Variants in NPHP3 observed in about 807,000 individuals in gnomAD.
NPHP3 encodes nephrocystin 3, also known as nephrocystin-3.
Under a neutral mutation model 171.9 loss-of-function variants are expected in NPHP3, and 123 were observed. The ratio of observed to expected loss-of-function variants is 0.72; its 90% CI spans 0.62 to 0.83. The LOEUF (loss-of-function observed/expected upper bound fraction) is 0.83. Among genes scored for constraint, NPHP3 ranks in the 40% least tolerant of loss-of-function variants. The probability of loss-of-function intolerance (pLI) is 0.00; values close to 1 mark genes in which losing one functional copy is unlikely to be tolerated. For missense variants in NPHP3, 1,506 were observed against 1,591.9 expected (o/e 0.95, Z 0.92); for synonymous variants, 558 against 579.2 (o/e 0.96, Z 0.52).
intron 25 of NPHP3, among the ~76,000 whole-genome samples, chr3:132,683,038 C>T (rs929255075): frequency 1.3e-5 from 2 of 152,142 alleles, no homozygotes; most frequent in Non-Finnish European, 2.9e-5. Context: ...TGACCATAAT[C>T]CAATACTGTA....
chr3:132,681,705 A>G lies in NPHP3; in HGVS notation c.*205T>C. 1.7e-6 allele frequency: 1 copy of G among 582,756 alleles called. No homozygotes were observed. The highest frequency in any genetic ancestry group is 2.8e-5 in the Admixed American group (1 of 36,192). The allele number at this position is 582,756 out of a possible 1,614,324, so 36.1% of individuals were successfully genotyped here. ...GTGTCTACATCCTTGGATACCATAT[A>G]ATAGGAAAATTCTTTTAAACAACTA... On this transcript the variant is annotated 3_prime_UTR_variant, in exon 27 of 27. Coordinates refer to ENST00000337331, the MANE Select transcript of NPHP3 (RefSeq NM_153240.5).
chr3:132,688,275 G>A (rs1171559252), intron 21 of NPHP3, among the ~76,000 whole-genome samples: 2 of 152,080 alleles, frequency 1.3e-5, no homozygotes, highest in Non-Finnish European at 2.9e-5. Context: ...TTAGACTTGG[G>A]TCCCATCCCC....
chr3:132,702,087 G>A (rs1197625622), intron 9 of NPHP3, among the ~76,000 whole-genome samples: 1 of 152,106 alleles, frequency 6.6e-6, no homozygotes, highest in Non-Finnish European at 1.5e-5. Context: ...ATGTAGTATT[G>A]CTGTAAATTA....
rs1253721491 is a variant in NPHP3, at chr3:132,683,536, G to C, written c.3571-12C>G. 1.2e-6 allele frequency: 2 copies of C among 1,607,704 alleles called. No individual in the cohort carries two copies. Among genetic ancestry groups the C allele is most frequent in the South Asian group, 1.1e-5 (1 of 90,680 alleles). On this transcript the variant is annotated splice_polypyrimidine_tract_variant and intron_variant, in intron 24 of 26. Transcript: ENST00000337331. ...TTGTCAAGTTTCCCCTAAAAAACAA[G>C]AGTTAAATCTAACAAAAATATAAGG...
chr3:132,706,634 G>C (rs1560011310), intron 7 of NPHP3, among the ~76,000 whole-genome samples: 1 of 152,004 alleles, frequency 6.6e-6, no homozygotes, highest in Non-Finnish European at 1.5e-5. Flanking sequence ...ATTAGAATAA[G>C]GCAATGATTT....
intron 5 of NPHP3, 109 bp from the exon 6 acceptor site, chr3:132,713,395 A>C: frequency 1.8e-6 from 1 of 552,424 alleles, no homozygotes; most frequent in Non-Finnish European, 3.0e-6. Flanking sequence ...TATACTGGAT[A>C]TCTTTTCATA....
rs1054438148 is a variant in NPHP3, at chr3:132,722,196, C to T, written c.160G>A (p.Gly54Arg). The T allele has an allele frequency of 6.6e-7, 1 of 1,508,702 alleles. No individual in the cohort carries two copies. The highest frequency in any genetic ancestry group is 8.8e-7 in the Non-Finnish European group (1 of 1,137,362). 93.5% of individuals were successfully genotyped at this position (1,508,702 alleles called of 1,614,324 possible). A position where few individuals can be genotyped will look rare whatever the true frequency, so the allele number is the denominator to read the frequency against. ...SFRRGAGAAAGAGPGSLPRGV... is the reference protein window; with the variant it reads ...SFRRGAGAAARAGPGSLPRGV... ...CGGGGCAGCGACCCGGGCCCGGCCCCTGCTGCCGCCCCCGCGCCTCGGCGG... is the reference window on the plus strand; with the variant it reads ...CGGGGCAGCGACCCGGGCCCGGCCCTTGCTGCCGCCCCCGCGCCTCGGCGG... The change falls in exon 1 of 27, where the codon GGG becomes AGG. Residue 54 changes from glycine to arginine, a missense_variant. Physicochemically the swap from Gly to Arg is moderately radical, Grantham distance 125. Around this residue, in one of 3 missense-constraint regions of NPHP3, gnomAD observed 930 missense variants for 924.9 expected, o/e 1.01. Coordinates refer to ENST00000337331, the MANE Select transcript of NPHP3 (RefSeq NM_153240.5).
chr3:132,706,241 G>C (rs952678004), intron 7 of NPHP3, among the ~76,000 whole-genome samples: 18 of 151,672 alleles, frequency 1.2e-4, no homozygotes, highest in Non-Finnish European at 2.2e-4. Flanking sequence ...TGCCTGTAGT[G>C]CCAGCTACTC....
intron 4 of NPHP3, among the ~76,000 whole-genome samples, chr3:132,716,175 C>T (rs1560015857): frequency 6.6e-6 from 1 of 152,162 alleles, no homozygotes; most frequent in Non-Finnish European, 1.5e-5. Context: ...TTGGATACCC[C>T]TGCTTTAAAT....
intron 17 of NPHP3, 59 bp from the exon 18 acceptor site, chr3:132,691,345 CAA>C (rs944723712): frequency 4.3e-5 from 51 of 1,179,164 alleles, no homozygotes; most frequent in Middle Eastern, 3.8e-4. Flanking sequence ...GTACATCTAA[CAA>C]GAGATTTGCA....
intron 3 of NPHP3, 68 bp downstream of exon 3, chr3:132,718,926 C>A (rs1286763462): frequency 1.3e-6 from 2 of 1,500,766 alleles, no homozygotes; most frequent in Admixed American, 1.7e-5. Context: ...TAGCAGAATT[C>A]AAAGTTGGCT....
At chr3:132,720,191 T>C (rs182705622) in intron 1 of NPHP3, among the ~76,000 whole-genome samples, 1 of 152,374 alleles carries the variant, frequency 6.6e-6, no homozygotes, top group East Asian at 1.9e-4. Context: ...TAAGAGACTG[T>C]GTGCCTGTTG....
At position 132,697,281 on chromosome 3, in the gene NPHP3, G is replaced by A. The variant is rs1278793817; in HGVS notation, c.2067C>T (p.Asp689=). 2.5e-6 allele frequency: 4 copies of A among 1,609,008 alleles called. No homozygotes were observed. In the African/African-American group the frequency reaches 4.0e-5, roughly 16 times the overall value. ...ACACCTGCTCTTTACTCAATTTAATGTCTACAGAGTGGCATTCTGCAATTA... is the reference window on the plus strand; with the variant it reads ...ACACCTGCTCTTTACTCAATTTAATATCTACAGAGTGGCATTCTGCAATTA... ...SIIIAECHSV[D]IKLSKEQEKK... is the part of the protein sequence containing the mutation. The change falls in exon 14 of 27, where the codon GAC becomes GAT. Residue 689 remains aspartate, a synonymous_variant. Transcript: ENST00000337331.
intron 1 of NPHP3, 73 bp from the exon 2 acceptor site, chr3:132,719,903 CATATAT>C: frequency 2.2e-6 from 1 of 446,286 alleles, no homozygotes; most frequent in Non-Finnish European, 3.4e-6. Flanking sequence ...TATATATATA[CATATAT>C]ATATATATAT....
chr3:132,706,894 A>T (rs1004122967), intron 7 of NPHP3, among the ~76,000 whole-genome samples: 4 of 152,220 alleles, frequency 2.6e-5, no homozygotes, highest in Non-Finnish European at 5.9e-5. Flanking sequence ...TCTGGAAATT[A>T]TAATAAAAAT....
At chr3:132,691,433 ATATT>A (rs1939296637) in intron 17 of NPHP3, 147 bp from the exon 18 acceptor site, 1 of 635,246 alleles carries the variant, frequency 1.6e-6, no homozygotes, top group Non-Finnish European at 2.8e-6. Flanking sequence ...AATTTAGGAC[ATATT>A]TATTTGATAA....
rs1311319593 is a variant in NPHP3 at position 132,692,835 on chromosome 3, A to C, written c.2311-17T>G. On this transcript the variant is annotated splice_polypyrimidine_tract_variant and intron_variant, in intron 16 of 26. Coordinates refer to ENST00000337331, the MANE Select transcript of NPHP3 (RefSeq NM_153240.5). ...GCAGAGGATCTAGGTAGAAAAACAAATTAACAGTAATCATAAAGCACCTGT... is the reference window on the plus strand; with the variant it reads ...GCAGAGGATCTAGGTAGAAAAACAACTTAACAGTAATCATAAAGCACCTGT... 1 of 1,610,672 alleles carries C rather than the reference A, an allele frequency of 6.2e-7. No homozygotes were observed. The highest frequency in any genetic ancestry group is 8.5e-7 in the Non-Finnish European group (1 of 1,177,116).
intron 16 of NPHP3, chr3:132,693,257 T>A (rs1939345336): frequency 1.0e-5 from 2 of 197,380 alleles, no homozygotes; most frequent in Admixed American, 1.1e-4. Context: ...GAAGTCAGAG[T>A]GTAAAGGGCT....
intron 12 of NPHP3, 107 bp from the exon 13 acceptor site, chr3:132,699,557 A>C: frequency 2.4e-6 from 2 of 820,962 alleles, no homozygotes; most frequent in Admixed American, 5.0e-5. Flanking sequence ...TATCTTATTA[A>C]GGATAAAAAT....
Sources: allele counts gnomAD v4.1 joint callset (sites outside exome capture counted in the v4.1 genomes callset), GRCh38; gene constraint gnomAD v4.1.1; regional missense constraint gnomAD v4.1.1; transcripts MANE v1.5; gene names NCBI Gene and HGNC (gene_info 2026-07-23, HGNC 2026-07-21).